Variants in DENND1A observed in about 807,000 individuals in gnomAD.
The protein encoded by DENND1A is DENN domain-containing protein 1A.
Under a neutral mutation model 113.7 loss-of-function variants are expected in DENND1A, and 51 were observed. The observed-to-expected ratio is 0.45, with a 90% CI of 0.36 to 0.57. The LOEUF (loss-of-function observed/expected upper bound fraction) is 0.57, where lower values mean the gene tolerates loss of function less well. DENND1A is among the 20% of genes least tolerant of loss of function. The pLI is 0.00. For synonymous variants in DENND1A, 565 were observed against 570.8 expected (o/e 0.99, Z 0.14); for missense variants, 1,258 against 1,395.9 (o/e 0.90, Z 1.57).
intron 9 of DENND1A, among the ~76,000 whole-genome samples, chr9:123,632,907 T>A (rs1157436253): frequency 6.6e-6 from 1 of 151,546 alleles, no homozygotes; most frequent in Non-Finnish European, 1.5e-5. Flanking sequence ...ATAATAATAA[T>A]AATATTATTA....
intron 11 of DENND1A, among the ~76,000 whole-genome samples, chr9:123,594,592 T>C (rs895044546): frequency 2.0e-5 from 3 of 151,834 alleles, no homozygotes; most frequent in African/African-American, 7.3e-5. Context: ...CTTAAGTATT[T>C]TGATGCCTGA....
intron 2 of DENND1A, among the ~76,000 whole-genome samples, chr9:123,852,649 T>C (rs918738168): frequency 4.6e-5 from 7 of 152,188 alleles, no homozygotes; most frequent in Admixed American, 1.3e-4. Context: ...AGTGCACTTA[T>C]GCGACGGGCC....
At chr9:123,538,804 TCATA>T (rs1326378550) in intron 13 of DENND1A, among the ~76,000 whole-genome samples, 1,411 of 28,852 alleles carry the variant, frequency 0.049, 199 homozygotes, top group Admixed American at 0.15. Flanking sequence ...AGGTGACAAC[TCATA>T]CATATATATA....
intron 13 of DENND1A, among the ~76,000 whole-genome samples, chr9:123,549,149 C>A (rs1262155171): frequency 1.3e-5 from 2 of 152,146 alleles, no homozygotes; most frequent in African/African-American, 4.8e-5. Context: ...GTCCCAGCTC[C>A]ACCACTCCCA....
chr9:123,815,048 A>G, intron 2 of DENND1A, among the ~76,000 whole-genome samples: 1 of 152,372 alleles, frequency 6.6e-6, no homozygotes, highest in East Asian at 1.9e-4. Context: ...AAAACAATTC[A>G]GCCTACAAAG....
At chr9:123,895,259 C>A (rs2133817374) in intron 1 of DENND1A, among the ~76,000 whole-genome samples, 1 of 152,108 alleles carries the variant, frequency 6.6e-6, no homozygotes, top group East Asian at 1.9e-4. Flanking sequence ...AGATCCTCCA[C>A]TGAAAACTAT....
chr9:123,583,874 C>T (rs1315666370), intron 11 of DENND1A, among the ~76,000 whole-genome samples: 2 of 152,166 alleles, frequency 1.3e-5, no homozygotes, highest in East Asian at 1.9e-4. Flanking sequence ...TCTACTGGCA[C>T]AGTAATAGAA....
chr9:123,523,846 T>C (rs1311747684), intron 13 of DENND1A, among the ~76,000 whole-genome samples: 1 of 152,176 alleles, frequency 6.6e-6, no homozygotes, highest in East Asian at 1.9e-4. Context: ...AATATTATAG[T>C]TGATAAGCAT....
At chr9:123,896,396 G>A (rs1259250956) in intron 1 of DENND1A, among the ~76,000 whole-genome samples, 1 of 151,572 alleles carries the variant, frequency 6.6e-6, no homozygotes, top group African/African-American at 2.4e-5. Flanking sequence ...GTGGCTTCAG[G>A]ACACTAACAA....
At chr9:123,766,101 A>G (rs1828763791) in intron 4 of DENND1A, among the ~76,000 whole-genome samples, 1 of 152,098 alleles carries the variant, frequency 6.6e-6, no homozygotes, top group African/African-American at 2.4e-5. Flanking sequence ...AGCGAGCTCC[A>G]TCTGCTCTGG....
intron 13 of DENND1A, among the ~76,000 whole-genome samples, chr9:123,493,536 T>C (rs1274919230): frequency 6.6e-6 from 1 of 152,078 alleles, no homozygotes; most frequent in Non-Finnish European, 1.5e-5. Flanking sequence ...CATTGCCACT[T>C]CTCTCAGATG....
intron 12 of DENND1A, among the ~76,000 whole-genome samples, chr9:123,575,059 C>T (rs1046341524): frequency 1.3e-5 from 2 of 152,132 alleles, no homozygotes; most frequent in African/African-American, 4.8e-5. Context: ...GTGAGAAATG[C>T]TGGTCAGATA....
chr9:123,907,077 C>T (rs1852977760), intron 1 of DENND1A, among the ~76,000 whole-genome samples: 1 of 151,234 alleles, frequency 6.6e-6, no homozygotes, highest in East Asian at 1.9e-4. Context: ...TAAATATAAT[C>T]CAGCATATAA....
intron 21 of DENND1A, chr9:123,401,888 T>C: frequency 6.2e-7 from 1 of 1,614,132 alleles, no homozygotes. Flanking sequence ...GGATGTGGAG[T>C]GTAGCTGGTG....
At chr9:123,506,274 G>A (rs772619672) in intron 13 of DENND1A, among the ~76,000 whole-genome samples, 11 of 152,082 alleles carry the variant, frequency 7.2e-5, no homozygotes, top group African/African-American at 9.7e-5. Flanking sequence ...TTAGTGCCCC[G>A]CACGGAGTAA....
intron 2 of DENND1A, among the ~76,000 whole-genome samples, chr9:123,855,358 G>A (rs1425742736): frequency 3.4e-5 from 5 of 148,448 alleles, no homozygotes; most frequent in Admixed American, 6.6e-5. Flanking sequence ...GAAAAAAATG[G>A]AGGATTAGAG....
chr9:123,890,111 G>A (rs73669011), intron 1 of DENND1A, among the ~76,000 whole-genome samples: 2,865 of 152,212 alleles, frequency 0.019, 92 homozygotes, highest in African/African-American at 0.066. Flanking sequence ...TGTCAAAACC[G>A]TGTCAGGTAA....
chr9:123,672,377 C>G (rs2063807022), intron 6 of DENND1A, among the ~76,000 whole-genome samples: 1 of 151,984 alleles, frequency 6.6e-6, no homozygotes, highest in African/African-American at 2.4e-5. Context: ...GAAACAATCT[C>G]AAACTTACTG....
At chr9:123,796,786 C>T (rs1298379663) in intron 2 of DENND1A, among the ~76,000 whole-genome samples, 1 of 151,932 alleles carries the variant, frequency 6.6e-6, no homozygotes, top group East Asian at 1.9e-4. Context: ...CACACACACA[C>T]ACACATCTTA....
Sources: allele counts gnomAD v4.1 joint callset (sites outside exome capture counted in the v4.1 genomes callset), GRCh38; gene constraint gnomAD v4.1.1; transcripts MANE v1.5; gene names NCBI Gene and HGNC (gene_info 2026-07-23, HGNC 2026-07-21).